The following NCOA6 variants were observed in gnomAD, a reference collection of about 807,000 sequenced individuals.
The protein encoded by NCOA6 is NRC RAP250.
Under a neutral mutation model 171.4 loss-of-function variants are expected in NCOA6, and 49 were observed. That is an observed-to-expected ratio of 0.29 (90% CI 0.23 to 0.36). The LOEUF is 0.36. Among genes scored for constraint, NCOA6 ranks in the 10% least tolerant of loss-of-function variants. The pLI, the probability that NCOA6 is intolerant of heterozygous loss-of-function variation, is 1.00. For missense variants in NCOA6, 2,248 were observed against 2,554.5 expected, an observed-to-expected ratio of 0.88 and a Z score of 2.59; for synonymous variants, 910 against 927.5, an observed-to-expected ratio of 0.98 and a Z score of 0.34.
At chr20:34,731,299 C>T (rs527238125) in intron 13 of NCOA6, among the ~76,000 whole-genome samples, 20 of 152,066 alleles carry the variant, frequency 1.3e-4, no homozygotes, top group African/African-American at 4.8e-5. Flanking sequence ...GGATTACAGG[C>T]GTGAGCCACT....
Position 34,720,946 on chromosome 20 carries a change from AACCAAAAGAGCT to A in NCOA6, c.6149-5593_6149-5582del, listed in dbSNP as rs557984256. 1.4e-3 allele frequency among the ~76,000 whole-genome samples: 212 copies of A among 152,308 alleles called. 1 individual carries two copies. The highest frequency in any genetic ancestry group is 4.9e-3 in the African/African-American group (203 of 41,560). ...GGCTCCAAGAGCTTTAATACTGAAA[AACCAAAAGAGCT>A]ACAGTACTCATTTCTGATTTAAAAG... On this transcript the variant is annotated intron_variant, in intron 14 of 14. Coordinates refer to ENST00000359003, the MANE Select transcript of NCOA6 (RefSeq NM_014071.5).
At chr20:34,734,491 T>C (rs2145433698) in intron 12 of NCOA6, among the ~76,000 whole-genome samples, 1 of 152,010 alleles carries the variant, frequency 6.6e-6, no homozygotes, top group African/African-American at 2.4e-5. Flanking sequence ...CCAAGTAGTA[T>C]GCATGCCAAG....
chr20:34,791,665 A>G (rs2077890350), intron 2 of NCOA6, among the ~76,000 whole-genome samples: 1 of 152,210 alleles, frequency 6.6e-6, no homozygotes, highest in Non-Finnish European at 1.5e-5. Flanking sequence ...GAAAACCAGC[A>G]ATAAACTCTT....
chr20:34,768,813 C>T lies in NCOA6; in HGVS notation c.392-227G>A, dbSNP rs2077054899. Among the ~76,000 whole-genome samples, 3 of 152,054 alleles carry T rather than the reference C, an allele frequency of 2.0e-5. No individual in the cohort carries two copies. The South Asian group carries it at 6.2e-4, about 32-fold the overall frequency. ...CCAATTCTTACTTGTAATAGGGAAG[C>T]AGGGTGACCATGAATGATGCTTAGT... is the stretch of plus-strand genomic sequence containing the variant. On this transcript the variant is annotated intron_variant, in intron 4 of 14. Transcript: ENST00000359003.
intron 7 of NCOA6, among the ~76,000 whole-genome samples, 186 bp from the exon 8 acceptor site, chr20:34,755,054 T>A (rs1189724332): frequency 6.6e-6 from 1 of 152,134 alleles, no homozygotes; most frequent in African/African-American, 2.4e-5. Flanking sequence ...ATCTCTTATA[T>A]GAGGCATTGT....
At position 34,716,210 on chromosome 20, in the gene NCOA6, C is replaced by T. The variant is rs567568037; in HGVS notation, c.6149-845G>A. ...CTGTAGCCTGGAGACAGCGAGACTCCGTCTCAAAAAAAAAAAAAAAAAAAA... is the reference window on the plus strand; with the variant it reads ...CTGTAGCCTGGAGACAGCGAGACTCTGTCTCAAAAAAAAAAAAAAAAAAAA... On this transcript the variant is annotated intron_variant, in intron 14 of 14. Transcript: ENST00000359003. 7.8e-5 allele frequency among the ~76,000 whole-genome samples: 9 copies of T among 116,010 alleles called. No homozygotes were observed. The East Asian group carries it at 2.1e-3, about 27-fold the overall frequency. 76.1% of individuals were successfully genotyped at this position (116,010 alleles called of 152,430 possible).
intron 1 of NCOA6, among the ~76,000 whole-genome samples, chr20:34,805,412 C>G (rs1392624386): frequency 6.6e-6 from 1 of 152,140 alleles, no homozygotes; most frequent in Non-Finnish European, 1.5e-5. Flanking sequence ...TGGCATTTAT[C>G]TTTCTGTGCC....
chr20:34,751,506 T>C (rs929614914), intron 8 of NCOA6, among the ~76,000 whole-genome samples: 11 of 151,914 alleles, frequency 7.2e-5, no homozygotes, highest in African/African-American at 2.4e-4. Flanking sequence ...GTGTGTGATA[T>C]GTGGATGCTG....
In NCOA6 at chr20:34,750,394, C is replaced by A; in HGVS notation, c.1801G>T (p.Val601Phe). Residue 601 changes from valine (V) to phenylalanine (F), a missense_variant, in exon 9 of 15, where the codon GTT becomes TTT. Physicochemically the swap from Val to Phe is conservative, Grantham distance 50. This residue lies in a region of NCOA6 where 987 missense variants were observed against 1,104.7 expected (regional missense o/e 0.89). Transcript: ENST00000359003. ...ATGTTGCTGAGGTTCACTTGAGGAA[C>A]CCCAGAAGTACCAGCCTGCTGATTG... The part of the protein sequence containing the change: ...MNNQQAGTSG[V>F]PQVNLSNMQG... The A allele has an allele frequency of 6.2e-7, 1 of 1,614,088 alleles. No homozygotes were observed. Among genetic ancestry groups the A allele is most frequent in the Non-Finnish European group, 8.5e-7 (1 of 1,180,030 alleles).
At chr20:34,784,267 G>T (rs940599485) in intron 2 of NCOA6, among the ~76,000 whole-genome samples, 1 of 149,422 alleles carries the variant, frequency 6.7e-6, no homozygotes, top group Admixed American at 6.7e-5. Context: ...GTCTTTCTCT[G>T]TTGCTGGAAT....
intron 11 of NCOA6, among the ~76,000 whole-genome samples, chr20:34,737,821 A>G (rs995679227): frequency 1.3e-5 from 2 of 152,222 alleles, no homozygotes; most frequent in African/African-American, 4.8e-5. Flanking sequence ...TTAAGAATTT[A>G]TTTTGGATGC....
chr20:34,758,693 T>C (rs2076725522), intron 6 of NCOA6, 112 bp downstream of exon 6: 1 of 1,367,408 alleles, frequency 7.3e-7, no homozygotes, highest in African/African-American at 1.5e-5. Context: ...GTAAAGAAGG[T>C]TGACATTGTG....
chr20:34,825,354 C>T (rs1190130611), intron 1 of NCOA6, 118 bp downstream of exon 1: 1 of 150,068 alleles, frequency 6.7e-6, no homozygotes, highest in Non-Finnish European at 1.5e-5. Context: ...CTCGGTCGCC[C>T]GGCGCCATTT....
Position 34,743,068 on chromosome 20 carries a change from G to A in NCOA6, c.3188C>T (p.Pro1063Leu), listed in dbSNP as rs752025910. Residue 1063 changes from proline (P) to leucine (L), a missense_variant, in exon 11 of 15, where the codon CCC becomes CTC. By Grantham distance (98) the Pro-to-Leu change is moderately conservative (BLOSUM62 -3). Coordinates refer to ENST00000359003, the MANE Select transcript of NCOA6 (RefSeq NM_014071.5). ...TTGCATGGGCATTCTCTGGGAGTCG[G>A]GGTTCAGGGGGCCCCTTGGAGGATG... ...NVHPPRGPLNPDSQRMPMQQS... is the reference protein window; with the variant it reads ...NVHPPRGPLNLDSQRMPMQQS... 1.2e-6 allele frequency: 2 copies of A among 1,613,672 alleles called. No homozygotes were observed. The highest frequency in any genetic ancestry group is 1.7e-6 in the Non-Finnish European group (2 of 1,179,752).
intron 2 of NCOA6, among the ~76,000 whole-genome samples, chr20:34,783,169 T>C (rs958048603): frequency 2.6e-5 from 4 of 151,768 alleles, no homozygotes; most frequent in African/African-American, 9.7e-5. Flanking sequence ...TAATCCCAGC[T>C]ACTAGGGAGG....
chr20:34,789,990 T>C (rs938100713), intron 2 of NCOA6, among the ~76,000 whole-genome samples: 3 of 151,768 alleles, frequency 2.0e-5, no homozygotes, highest in Non-Finnish European at 2.9e-5. Flanking sequence ...ATCCCAGTAC[T>C]TTCGGAGGCC....
At chr20:34,768,805 T>C (rs936844453) in intron 4 of NCOA6, among the ~76,000 whole-genome samples, 3 of 152,148 alleles carry the variant, frequency 2.0e-5, no homozygotes, top group Non-Finnish European at 4.4e-5. Flanking sequence ...TTACTTGTAA[T>C]AGGGAAGCAG....
Position 34,758,044 on chromosome 20 carries a change from G to C in NCOA6, c.704C>G (p.Ser235Cys). Reference protein sequence around the residue: ...HIQQQSHPSGSLAPPHHPMQP... With the variant: ...HIQQQSHPSGCLAPPHHPMQP... ...CATTGGGTGATGTGGGGGAGCTAAA[G>C]ATCCTGAGGGATGACTTTGCTGCTG... The change falls in exon 7 of 15, where the codon TCT (serine) becomes TGT (cysteine). Residue 235 changes from serine to cysteine, a missense_variant. Transcript: ENST00000359003. 1 of 1,614,064 alleles carries C rather than the reference G, an allele frequency of 6.2e-7. No individual in the cohort carries two copies. The highest frequency in any genetic ancestry group is 8.5e-7 in the Non-Finnish European group (1 of 1,179,988).
At chr20:34,790,229 T>C (rs899945611) in intron 2 of NCOA6, among the ~76,000 whole-genome samples, 1 of 152,038 alleles carries the variant, frequency 6.6e-6, no homozygotes, top group Non-Finnish European at 1.5e-5. Flanking sequence ...TTAGATATAA[T>C]AAGGAATGAA....
Sources: allele counts gnomAD v4.1 joint callset (sites outside exome capture counted in the v4.1 genomes callset), GRCh38; gene constraint gnomAD v4.1.1; regional missense constraint gnomAD v4.1.1; transcripts MANE v1.5; gene names NCBI Gene and HGNC (gene_info 2026-07-23, HGNC 2026-07-21).